Variants in PRDM1 observed in about 807,000 individuals in gnomAD.
PRDM1 encodes the protein PR domain zinc finger protein 1.
A neutral mutation model predicts 62.8 loss-of-function variants in PRDM1; 13 were observed. The observed-to-expected ratio is 0.21, with a 90% confidence interval of 0.13 to 0.33. The LOEUF is 0.33. Ranked by LOEUF, PRDM1 falls within the 10% of genes least tolerant of loss-of-function variation. The probability of loss-of-function intolerance (pLI) is 1.00; values close to 1 mark genes in which losing one functional copy is unlikely to be tolerated. For synonymous variants in PRDM1, 396 were observed against 417.6 expected (o/e 0.95, Z 0.63); for missense variants, 895 against 1,058.8 (o/e 0.85, Z 2.15).
At chr6:106,036,019 C>T (rs754963935) in intron 1 of PRDM1, among the ~76,000 whole-genome samples, 15 of 152,028 alleles carry the variant, frequency 9.9e-5, no homozygotes, top group Non-Finnish European at 1.8e-4. Flanking sequence ...CCACCTGCCT[C>T]GGCCTCCCAA....
chr6:106,098,742 A>G, intron 3 of PRDM1: 2 of 1,432,478 alleles, frequency 1.4e-6, no homozygotes, highest in Non-Finnish European at 1.9e-6. Flanking sequence ...AAGTATTCAT[A>G]TGAACAAGTG....
At chr6:106,085,537 A>C (rs368332953), upstream of PRDM1, among the ~76,000 whole-genome samples, 3 of 152,244 alleles carry the variant, frequency 2.0e-5, no homozygotes, top group Admixed American at 6.5e-5. Flanking sequence ...TCCTTCCTTC[A>C]ACAGAGGACT....
chr6:106,058,071 T>G (rs1433613449), intron 1 of PRDM1, among the ~76,000 whole-genome samples: 7 of 152,186 alleles, frequency 4.6e-5, no homozygotes, highest in Non-Finnish European at 8.8e-5. Flanking sequence ...ATTCTTACAT[T>G]ACATACCACC....
rs1176313634 is a variant in PRDM1 at position 106,003,642 on chromosome 6, C to T, written c.-67+10003C>T. ...TTGGATTTTCAGACCATTCTCTAGG[C>T]AAAATTGGTTAGCTGTTTCTTTTGA... is the stretch of plus-strand genomic sequence containing the variant. On this transcript the variant is annotated intron_variant, in intron 1 of 6. Coordinates refer to the PRDM1 transcript ENST00000652320. 2.6e-5 allele frequency among the ~76,000 whole-genome samples: 4 copies of T among 152,280 alleles called. No homozygotes were observed. The East Asian group carries it at 5.8e-4, about 22-fold the overall frequency.
upstream of PRDM1, among the ~76,000 whole-genome samples, chr6:106,082,139 A>G (rs1253928775): frequency 6.6e-6 from 1 of 152,002 alleles, no homozygotes; most frequent in Non-Finnish European, 1.5e-5. Context: ...CACCTTTCCT[A>G]TTGCTCTTTT....
At position 106,017,797 on chromosome 6, in the gene PRDM1, T is replaced by C. The variant is rs1028592529; in HGVS notation, c.-67+24158T>C. 6.2e-4 allele frequency among the ~76,000 whole-genome samples: 94 copies of C among 152,096 alleles called. 2 individuals are homozygous for C. The highest frequency in any genetic ancestry group is 2.0e-4 in the Admixed American group (3 of 15,260). ...TTGACTCTGTCAGTCATCAGGATAC[T>C]GTGGAAGCAGGGGCAGATTAAAGGC... On this transcript the variant is annotated intron_variant, in intron 1 of 6. Transcript: ENST00000652320.
intron 2 of PRDM1, among the ~76,000 whole-genome samples, chr6:106,089,659 T>A (rs1016546326): frequency 2.0e-5 from 3 of 152,242 alleles, no homozygotes; most frequent in African/African-American, 4.8e-5. Context: ...CTAGTTGTAG[T>A]TGAATGTTAC....
intron 2 of PRDM1, among the ~76,000 whole-genome samples, chr6:106,095,050 A>G (rs1383326436): frequency 2.7e-5 from 4 of 148,818 alleles, no homozygotes; most frequent in African/African-American, 9.7e-5. Flanking sequence ...TATGAAAAAA[A>G]AAAAACACAC....
intron 4 of PRDM1, 94 bp downstream of exon 4, chr6:106,099,646 G>A: frequency 1.3e-6 from 2 of 1,503,376 alleles, no homozygotes; most frequent in Non-Finnish European, 1.8e-6. Flanking sequence ...ATACGGCTTT[G>A]TCATGTGTTG....
chr6:106,036,479 G>A (rs1237949380), intron 1 of PRDM1, among the ~76,000 whole-genome samples: 2 of 151,990 alleles, frequency 1.3e-5, no homozygotes. Context: ...ACTCTATTTT[G>A]AATTTACACT....
intron 1 of PRDM1, among the ~76,000 whole-genome samples, chr6:106,017,237 T>C (rs577214037): frequency 1.1e-4 from 16 of 152,322 alleles, no homozygotes; most frequent in African/African-American, 3.1e-4. Flanking sequence ...AACCCCCTCA[T>C]TGCTCAATGG....
chr6:106,036,623 AAC>A (rs1267518262), intron 1 of PRDM1, among the ~76,000 whole-genome samples: 2 of 152,102 alleles, frequency 1.3e-5, no homozygotes, highest in Non-Finnish European at 2.9e-5. Flanking sequence ...TTCTTAGTGT[AAC>A]AGTCTCTTAA....
intron 1 of PRDM1, 79 bp from the exon 2 acceptor site, chr6:106,088,122 G>C (rs1320001898): frequency 6.0e-6 from 9 of 1,494,946 alleles, no homozygotes; most frequent in South Asian, 2.6e-5. Flanking sequence ...TCAGACTACT[G>C]TATTAGTCAT....
At chr6:106,088,584 A>G (rs1263152772) in intron 2 of PRDM1, 135 bp downstream of exon 2, 3 of 951,910 alleles carry the variant, frequency 3.2e-6, no homozygotes, top group Non-Finnish European at 4.6e-6. Context: ...GCTCTATTCA[A>G]TTCTTGCATT....
Position 105,994,934 on chromosome 6 carries a change from G to GT in PRDM1, c.-67+1301dup, listed in dbSNP as rs1233668957. On this transcript the variant is annotated intron_variant, in intron 1 of 6. Transcript: ENST00000652320. The surrounding 1 kb of genome is among the most constrained non-coding windows in gnomAD (Gnocchi z 4.1). ...GCCTCCCGGCTTGCGGAGGGCTTGAGTTTTTTGGCGGAGACAGAGGAAAGC... is the reference window on the plus strand; with the variant it reads ...GCCTCCCGGCTTGCGGAGGGCTTGAGTTTTTTTGGCGGAGACAGAGGAAAGC... 3.3e-5 allele frequency among the ~76,000 whole-genome samples: 5 copies of GT among 152,214 alleles called. No homozygotes were observed. Among genetic ancestry groups the GT allele is most frequent in the Admixed American group, 1.3e-4 (2 of 15,280 alleles).
chr6:106,016,113 A>G (rs1390890043), intron 1 of PRDM1, among the ~76,000 whole-genome samples: 2 of 152,214 alleles, frequency 1.3e-5, no homozygotes, highest in African/African-American at 4.8e-5. Flanking sequence ...AGCATAGCAT[A>G]ATGTTTTCAA....
intron 2 of PRDM1, among the ~76,000 whole-genome samples, chr6:106,094,661 G>A (rs917857634): frequency 6.6e-6 from 1 of 152,134 alleles, no homozygotes; most frequent in African/African-American, 2.4e-5. Context: ...TCAGCACTTT[G>A]GGAGGCCGAG....
In PRDM1 at chr6:106,108,124, C is replaced by T. The variant is rs1023461529; in HGVS notation, c.*638C>T. 5 of 233,276 alleles carry T rather than the reference C, an allele frequency of 2.1e-5. No individual in the cohort carries two copies. Among genetic ancestry groups the T allele is most frequent in the African/African-American group, 1.1e-4 (5 of 45,302 alleles). The allele number at this position is 233,276 out of a possible 1,614,324, so 14.5% of individuals were successfully genotyped here. A position where few individuals can be genotyped will look rare whatever the true frequency, so the allele number is the denominator to read the frequency against. ...CATTCCTGGGATCCTATCATTTGAA[C>T]AGCATTGTACATAACTTGGGGGTAT... On this transcript the variant is annotated 3_prime_UTR_variant, in exon 7 of 7. Transcript: ENST00000369096.
chr6:106,106,611 T>A lies in PRDM1; in HGVS notation c.1902+112T>A, dbSNP rs1774498924. Reference sequence around the variant, plus strand: ...AAAGCCAACACCAGATTCTGCGTTGTCCCATCCTGGACTGATGGCACTATG... The same window carrying A: ...AAAGCCAACACCAGATTCTGCGTTGACCCATCCTGGACTGATGGCACTATG... On this transcript the variant is annotated intron_variant, in intron 6 of 6. Transcript: ENST00000369096. The surrounding 1 kb of genome is among the most constrained non-coding windows in gnomAD (Gnocchi z 4.4). 2.1e-6 allele frequency: 3 copies of A among 1,449,996 alleles called. No homozygotes were observed. Among genetic ancestry groups the A allele is most frequent in the Non-Finnish European group, 2.8e-6 (3 of 1,068,452 alleles). The allele number at this position is 1,449,996 out of a possible 1,614,324, so 89.8% of individuals were successfully genotyped here.
Sources: allele counts gnomAD v4.1 joint callset (sites outside exome capture counted in the v4.1 genomes callset), GRCh38; gene constraint gnomAD v4.1.1; non-coding constraint Gnocchi (gnomAD v3.1); transcripts MANE v1.5; gene names NCBI Gene and HGNC (gene_info 2026-07-23, HGNC 2026-07-21).